Variants in CARS1 observed in about 807,000 individuals in gnomAD.
The protein encoded by CARS1 is cysteine--tRNA ligase, cytoplasmic.
In CARS1, 48 loss-of-function variants were observed where a neutral mutation model predicts 106.2. That is an observed-to-expected ratio of 0.45 (90% CI 0.36 to 0.57). CARS1 has a LOEUF of 0.57. Among genes scored for constraint, CARS1 ranks in the 20% least tolerant of loss-of-function variants. The pLI is 0.00. For missense variants in CARS1, 968 were observed against 1,057.2 expected, an observed-to-expected ratio of 0.92 and a Z score of 1.17; for synonymous variants, 409 against 403.4, an observed-to-expected ratio of 1.01 and a Z score of -0.17.
At position 3,019,190 on chromosome 11, in the gene CARS1, A is replaced by C. The variant is rs1590374168; in HGVS notation, c.1344T>G (p.Gly448=). The change falls in exon 12 of 23, where the codon GGT becomes GGG. Residue 448 remains glycine (G), a synonymous_variant. Transcript: ENST00000380525. This position sits in a 1 kb window ranked among gnomAD's most constrained non-coding sequence, Gnocchi z 6.2. The part of the protein sequence containing the change: ...LLGASMDIHG[G]GFDLRFPHHD... ...GGTGGGGGAACCGGAGGTCGAACCC[A>C]CCTCCGTGAATGTCCATCGAAGCCC... 2.6e-6 allele frequency: 4 copies of C among 1,524,090 alleles called. No individual in the cohort carries two copies. The highest frequency in any genetic ancestry group is 2.6e-6 in the Non-Finnish European group (3 of 1,137,506). 94.4% of individuals were successfully genotyped at this position (1,524,090 alleles called of 1,614,324 possible). A position where few individuals can be genotyped will look rare whatever the true frequency, so the allele number is the denominator to read the frequency against.
rs1371635213 is a variant in CARS1 at position 3,001,971 on chromosome 11, T to C, written c.2360A>G (p.Asn787Ser). ...ETDKYSKFDE[N>S]GLPTHDMEGK... ...AGAGAAGGATGCTTACATGCTTACA[T>C]TTTCATCAAACTTGGAGTATTTGTC... Residue 787 changes from asparagine to serine, a missense_variant and splice_region_variant, in exon 22 of 23, where the codon AAT becomes AGT. Physicochemically the swap from Asn to Ser is conservative, Grantham distance 46 (BLOSUM62 1). Transcript: ENST00000380525. The C allele has an allele frequency of 1.2e-6, 2 of 1,608,150 alleles. No homozygotes were observed. Among genetic ancestry groups the C allele is most frequent in the Non-Finnish European group, 8.5e-7 (1 of 1,174,596 alleles).
At position 3,008,867 on chromosome 11, in the gene CARS1, C is replaced by G. The variant is rs1850161946; in HGVS notation, c.2069-1908G>C. On this transcript the variant is annotated intron_variant, in intron 18 of 22. Transcript: ENST00000380525. This position sits in a 1 kb window ranked among gnomAD's most constrained non-coding sequence, Gnocchi z 5.1. ...TTTGAAAGCCACCCCTGGATAGCAC[C>G]CTCATTAGAAGGAAGGCAAGCCAGC... 1 of 152,202 alleles carries G rather than the reference C, an allele frequency of 6.6e-6. No individual in the cohort carries two copies. The highest frequency in any genetic ancestry group is 2.1e-4 in the South Asian group (1 of 4,830). 9.4% of individuals were successfully genotyped at this position (152,202 alleles called of 1,614,324 possible). A position where few individuals can be genotyped will look rare whatever the true frequency, so the allele number is the denominator to read the frequency against.
chr11:3,001,928 G>A (rs777590518), intron 22 of CARS1, 42 bp downstream of exon 22: 15 of 1,417,186 alleles, frequency 1.1e-5, no homozygotes, highest in Non-Finnish European at 1.5e-5. Flanking sequence ...AATGTGGTCT[G>A]ATCAAGTTCT....
chr11:3,024,687 A>G (rs1411018196), intron 10 of CARS1, among the ~76,000 whole-genome samples: 6 of 152,212 alleles, frequency 3.9e-5, no homozygotes, highest in Admixed American at 3.3e-4. Context: ...GGCTCAAGCG[A>G]TCCTCCTGCC....
At position 3,022,649 on chromosome 11, in the gene CARS1, A is replaced by G. The variant is rs965296488; in HGVS notation, c.1154-2317T>C. ...GGCAGAGTGAGTGTTTCTAGCTTTG[A>G]CCCTACAAGCATGTTCATACCAGCA... is the stretch of plus-strand genomic sequence containing the variant. On this transcript the variant is annotated intron_variant, in intron 10 of 22. Transcript: ENST00000380525. This position sits in a 1 kb window ranked among gnomAD's most constrained non-coding sequence, Gnocchi z 4.9. Among the ~76,000 whole-genome samples the G allele has an allele frequency of 2.0e-5, 3 of 152,020 alleles. No individual in the cohort carries two copies. Among genetic ancestry groups the G allele is most frequent in the African/African-American group, 7.2e-5 (3 of 41,384 alleles).
intron 17 of CARS1, 77 bp downstream of exon 17, chr11:3,015,704 G>A (rs1173173734): frequency 2.4e-6 from 3 of 1,270,026 alleles, no homozygotes; most frequent in Non-Finnish European, 3.5e-6. Flanking sequence ...CAGAGGAGGG[G>A]CAGTTCAGAG....
chr11:3,031,470 A>G (rs1442151749), intron 7 of CARS1: 8 of 152,280 alleles, frequency 5.3e-5, no homozygotes, highest in Admixed American at 5.2e-4. Context: ...CTGGTCAAGC[A>G]TACAGATCAA....
Position 3,000,930 on chromosome 11 carries a change from C to A in CARS1, c.*184G>T. The A allele has an allele frequency of 1.5e-6, 1 of 657,906 alleles. No homozygotes were observed. Among genetic ancestry groups the A allele is most frequent in the Non-Finnish European group, 2.6e-6 (1 of 388,654 alleles). 40.8% of individuals were successfully genotyped at this position (657,906 alleles called of 1,614,324 possible). A position where few individuals can be genotyped will look rare whatever the true frequency, so the allele number is the denominator to read the frequency against. On this transcript the variant is annotated 3_prime_UTR_variant, in exon 23 of 23. Transcript: ENST00000380525. This position sits in a 1 kb window ranked among gnomAD's most constrained non-coding sequence, Gnocchi z 7.1. ...ATGCAGAACAAGACAGAGAGGGTCT[C>A]ACTGTTGAGAAAAATTTATTATCAA...
intron 22 of CARS1, 152 bp downstream of exon 22, chr11:3,001,818 G>A: frequency 1.4e-6 from 1 of 709,410 alleles, no homozygotes; most frequent in East Asian, 2.5e-5. Flanking sequence ...AGTTGGGCCA[G>A]GAGGCCCTGG....
At chr11:3,001,472 T>C (rs758155219) in intron 22 of CARS1, among the ~76,000 whole-genome samples, 1 of 152,092 alleles carries the variant, frequency 6.6e-6, no homozygotes, top group Non-Finnish European at 1.5e-5. Context: ...CTGGGGGTGC[T>C]TCCTGCCTAA....
At position 3,038,221 on chromosome 11, in the gene CARS1, A is replaced by C; in HGVS notation, c.652-22T>G. On this transcript the variant is annotated intron_variant, in intron 6 of 22. Transcript: ENST00000380525. This position sits in a 1 kb window ranked among gnomAD's most constrained non-coding sequence, Gnocchi z 4.0. ...ATGGCTGCAACCATAAAGAGACGTC[A>C]AATCTATTAGATACTGCTCAGCAAA... 6.2e-7 allele frequency: 1 copy of C among 1,610,400 alleles called. No individual in the cohort carries two copies. Among genetic ancestry groups the C allele is most frequent in the Non-Finnish European group, 8.5e-7 (1 of 1,176,878 alleles).
chr11:3,031,855 T>C (rs1192490269), intron 7 of CARS1, among the ~76,000 whole-genome samples: 3 of 152,200 alleles, frequency 2.0e-5, no homozygotes, highest in African/African-American at 7.2e-5. Context: ...CATACTTTTG[T>C]GAGTTTTACC....
At chr11:3,036,412 A>T (rs532058179) in intron 7 of CARS1, among the ~76,000 whole-genome samples, 47 of 152,362 alleles carry the variant, frequency 3.1e-4, no homozygotes, top group African/African-American at 1.1e-3. Flanking sequence ...GACAACACAA[A>T]ACAACTCACA....
In CARS1 at chr11:3,038,529, AGG is replaced by A. The variant is rs1853985802; in HGVS notation, c.652-332_652-331del. Among the ~76,000 whole-genome samples, 1 of 152,192 alleles carries A rather than the reference AGG, an allele frequency of 6.6e-6. No homozygotes were observed. The highest frequency in any genetic ancestry group is 2.1e-4 in the South Asian group (1 of 4,832). ...AAAGTAGGCCACCCAGTGTGTTCTG[AGG>A]TGTGCTGCAGACACATCCATCAGGA... On this transcript the variant is annotated intron_variant, in intron 6 of 22. Coordinates refer to ENST00000380525, the MANE Select transcript of CARS1 (RefSeq NM_001014437.3). This position sits in a 1 kb window ranked among gnomAD's most constrained non-coding sequence, Gnocchi z 4.0.
In CARS1 at chr11:3,040,681, T is replaced by C; in HGVS notation, c.455+215A>G. ...GCTATGGACATTTTCTTTTTGGTGATCTGTAGTCTTTCTGCAGTGAATATA... is the reference window on the plus strand; with the variant it reads ...GCTATGGACATTTTCTTTTTGGTGACCTGTAGTCTTTCTGCAGTGAATATA... On this transcript the variant is annotated intron_variant, in intron 4 of 22. Coordinates refer to ENST00000380525, the MANE Select transcript of CARS1 (RefSeq NM_001014437.3). This position sits in a 1 kb window ranked among gnomAD's most constrained non-coding sequence, Gnocchi z 5.8. The C allele has an allele frequency of 1.4e-6, 1 of 695,222 alleles. No individual in the cohort carries two copies. Among genetic ancestry groups the C allele is most frequent in the East Asian group, 2.7e-5 (1 of 36,606 alleles). 43.1% of individuals were successfully genotyped at this position (695,222 alleles called of 1,614,324 possible). A position where few individuals can be genotyped will look rare whatever the true frequency, so the allele number is the denominator to read the frequency against.
In CARS1 at chr11:3,030,832, CAGAGATGAAATCTATT is replaced by C. The variant is rs764935094; in HGVS notation, c.802-1405_802-1390del. ...TGAAAATAGAAGCAAACGGAACCTG[CAGAGATGAAATCTATT>C]AACAGGCGAAACAGTCTTATCCATC... On this transcript the variant is annotated intron_variant, in intron 7 of 22. Transcript: ENST00000380525. The surrounding 1 kb of genome is among the most constrained non-coding windows in gnomAD (Gnocchi z 5.7). 1.3e-5 allele frequency: 2 copies of C among 152,230 alleles called. No homozygotes were observed. The highest frequency in any genetic ancestry group is 2.9e-5 in the Non-Finnish European group (2 of 68,044). 9.4% of individuals were successfully genotyped at this position (152,230 alleles called of 1,614,324 possible). A position where few individuals can be genotyped will look rare whatever the true frequency, so the allele number is the denominator to read the frequency against.
At chr11:3,012,113 T>C (rs995728370) in intron 18 of CARS1, 82 bp downstream of exon 18, 20 of 1,260,502 alleles carry the variant, frequency 1.6e-5, no homozygotes, top group East Asian at 2.3e-5. Flanking sequence ...CTGAACGCCA[T>C]AGTGCCTCGG....
intron 7 of CARS1, among the ~76,000 whole-genome samples, chr11:3,032,837 G>A (rs562883402): frequency 2.9e-4 from 44 of 151,200 alleles, no homozygotes; most frequent in African/African-American, 1.0e-3. Flanking sequence ...ATACGAGATA[G>A]TATTTGTCCA....
chr11:3,026,373 C>T (rs449466), intron 10 of CARS1, among the ~76,000 whole-genome samples: 50,268 of 152,166 alleles, frequency 0.33, 10,173 homozygotes, highest in East Asian at 0.63. Flanking sequence ...AAAAGGTAAA[C>T]GTCTAAGGTG....
Sources: allele counts gnomAD v4.1 joint callset (sites outside exome capture counted in the v4.1 genomes callset), GRCh38; gene constraint gnomAD v4.1.1; non-coding constraint Gnocchi (gnomAD v3.1); transcripts MANE v1.5; gene names NCBI Gene and HGNC (gene_info 2026-07-23, HGNC 2026-07-21).